The following TENM4 variants were observed in gnomAD, a reference collection of about 807,000 sequenced individuals.
TENM4 encodes the protein teneurin-4.
TENM4 carries 82 observed loss-of-function variants against 243.3 expected under a neutral mutation model. That is an observed-to-expected ratio of 0.34 (90% confidence interval 0.28 to 0.40). The LOEUF is 0.40. Among genes scored for constraint, TENM4 ranks in the 10% least tolerant of loss-of-function variants. The pLI is 1.00. For synonymous variants in TENM4, 1,412 were observed against 1,456.3 expected, an observed-to-expected ratio of 0.97 and a Z score of 0.69; for missense variants, 3,138 against 3,673.3, an observed-to-expected ratio of 0.85 and a Z score of 3.77.
At chr11:78,719,367 C>T (rs1408311737) in intron 25 of TENM4, among the ~76,000 whole-genome samples, 1 of 151,194 alleles carries the variant, frequency 6.6e-6, no homozygotes, top group Non-Finnish European at 1.5e-5. Context: ...ATGTTCTATA[C>T]ATGTGAATTA....
chr11:78,994,371 T>C (rs1054169791), intron 6 of TENM4, among the ~76,000 whole-genome samples: 2 of 152,328 alleles, frequency 1.3e-5, no homozygotes, highest in East Asian at 3.9e-4. Context: ...CAGATTTCTG[T>C]AGCCTTTTCT....
intron 1 of TENM4, among the ~76,000 whole-genome samples, chr11:79,347,804 G>T (rs1029597590): frequency 7.0e-5 from 8 of 113,848 alleles, no homozygotes; most frequent in African/African-American, 2.4e-4. Flanking sequence ...ACGGAGTCTC[G>T]CTCTGTCGCC....
At chr11:79,326,289 C>T (rs1856974810) in intron 1 of TENM4, among the ~76,000 whole-genome samples, 1 of 152,300 alleles carries the variant, frequency 6.6e-6, no homozygotes, top group East Asian at 1.9e-4. Context: ...CTCCTATACA[C>T]ATCAACCCAG....
At chr11:78,803,588 C>T (rs1315294249) in intron 15 of TENM4, among the ~76,000 whole-genome samples, 1 of 152,148 alleles carries the variant, frequency 6.6e-6, no homozygotes, top group Middle Eastern at 3.2e-3. Flanking sequence ...GTGGTATAGC[C>T]AGGACTGAGG....
intron 12 of TENM4, among the ~76,000 whole-genome samples, chr11:78,823,307 G>A (rs1351948675): frequency 6.6e-6 from 1 of 152,188 alleles, no homozygotes; most frequent in East Asian, 1.9e-4. Context: ...ACCTCGCCCC[G>A]TTCCCACTGC....
At chr11:79,053,878 A>C (rs1859868062) in intron 6 of TENM4, among the ~76,000 whole-genome samples, 1 of 152,150 alleles carries the variant, frequency 6.6e-6, no homozygotes, top group Non-Finnish European at 1.5e-5. Context: ...ACCAATTACT[A>C]TACAGTGCTC....
At chr11:79,027,842 G>A (rs542595693) in intron 6 of TENM4, among the ~76,000 whole-genome samples, 1 of 152,282 alleles carries the variant, frequency 6.6e-6, no homozygotes, top group African/African-American at 2.4e-5. Context: ...CTACAGGCAT[G>A]TGTTAGATTC....
intron 27 of TENM4, among the ~76,000 whole-genome samples, chr11:78,704,446 G>A (rs978234453): frequency 6.6e-6 from 1 of 151,948 alleles, no homozygotes; most frequent in Non-Finnish European, 1.5e-5. Context: ...CAACTCAAAT[G>A]CCCAACAACT....
chr11:79,009,882 G>A (rs1191580370), intron 6 of TENM4, among the ~76,000 whole-genome samples: 1 of 152,148 alleles, frequency 6.6e-6, no homozygotes, highest in Non-Finnish European at 1.5e-5. Flanking sequence ...ATCCCCACAT[G>A]TCATGGGAGG....
intron 3 of TENM4, among the ~76,000 whole-genome samples, chr11:79,152,908 C>A (rs1281918276): frequency 6.6e-6 from 1 of 152,220 alleles, no homozygotes; most frequent in Non-Finnish European, 1.5e-5. Context: ...AGCTGCCAAC[C>A]TTAAACTGAT....
chr11:78,683,832 G>T (rs924214535), intron 29 of TENM4, among the ~76,000 whole-genome samples: 2 of 152,160 alleles, frequency 1.3e-5, no homozygotes, highest in African/African-American at 2.4e-5. Context: ...AACTTACGGT[G>T]AAAAAAGCAA....
At chr11:79,343,206 C>T (rs1233674092) in intron 1 of TENM4, among the ~76,000 whole-genome samples, 5 of 152,238 alleles carry the variant, frequency 3.3e-5, no homozygotes, top group African/African-American at 7.2e-5. Context: ...GACCACTAAG[C>T]ACTCTGTGCC....
chr11:79,409,569 C>T (rs543875049), intron 1 of TENM4, among the ~76,000 whole-genome samples: 8 of 152,232 alleles, frequency 5.3e-5, no homozygotes, highest in East Asian at 1.9e-4. Flanking sequence ...ATAGCCCCCC[C>T]GGAACCATTC....
intron 3 of TENM4, among the ~76,000 whole-genome samples, chr11:79,190,283 T>A (rs915519300): frequency 5.3e-5 from 8 of 152,200 alleles, no homozygotes; most frequent in African/African-American, 1.9e-4. Context: ...TGTGTTTATG[T>A]CTCAAGTCTC....
chr11:78,865,705 G>C (rs1250737235), intron 9 of TENM4, among the ~76,000 whole-genome samples: 1 of 152,152 alleles, frequency 6.6e-6, no homozygotes, highest in Non-Finnish European at 1.5e-5. Context: ...ACACACACAA[G>C]TCTGCTTCAG....
intron 12 of TENM4, among the ~76,000 whole-genome samples, chr11:78,822,051 G>A (rs965110433): frequency 1.3e-5 from 2 of 152,132 alleles, no homozygotes; most frequent in Non-Finnish European, 2.9e-5. Flanking sequence ...TGACTAAAAC[G>A]AATGACCTAG....
At chr11:79,384,571 T>C (rs1858070128) in intron 1 of TENM4, among the ~76,000 whole-genome samples, 1 of 152,172 alleles carries the variant, frequency 6.6e-6, no homozygotes, top group South Asian at 2.1e-4. Flanking sequence ...TTCTTCCTTC[T>C]GACTCTCGGA....
intron 1 of TENM4, among the ~76,000 whole-genome samples, chr11:79,371,329 G>C (rs1037329340): frequency 6.6e-6 from 1 of 152,188 alleles, no homozygotes; most frequent in East Asian, 1.9e-4. Flanking sequence ...AGGAGGCACT[G>C]GGTGATGCCT....
Position 78,703,159 on chromosome 11 carries a change from T to A in TENM4, c.4210-756A>T, listed in dbSNP as rs1483956925. On this transcript the variant is annotated intron_variant, in intron 27 of 33. Transcript: ENST00000278550. ...GATCCCTGGGCTTGGAGCTTGGGCA[T>A]CGGCATTATTTTGAAAAGCTTCCTG... is the stretch of plus-strand genomic sequence containing the variant. Among the ~76,000 whole-genome samples, 4 of 152,152 alleles carry A rather than the reference T, an allele frequency of 2.6e-5. No homozygotes were observed. In the East Asian group the frequency reaches 7.7e-4, roughly 29 times the overall value.
Sources: gnomAD v4.1 joint callset for allele counts (sites outside exome capture counted in the v4.1 genomes callset) on GRCh38, gnomAD v4.1.1 for gene constraint, MANE v1.5 for transcripts, NCBI Gene and HGNC (gene_info 2026-07-23, HGNC 2026-07-21) for gene names.